The following GALNT13 variants were observed in gnomAD, a reference collection of about 807,000 sequenced individuals.
GALNT13 encodes UDP-GalNAc:polypeptide N-acetylgalactosaminyltransferase 13.
In GALNT13, 28 loss-of-function variants were observed where a neutral mutation model predicts 64.2. The observed-to-expected ratio is 0.44, with a 90% confidence interval of 0.32 to 0.60. The LOEUF is 0.60. GALNT13 is among the 20% of genes least tolerant of loss of function. The pLI is 0.05. For missense variants in GALNT13, 577 were observed against 669.8 expected (o/e 0.86, Z 1.53); for synonymous variants, 214 against 224.6 (o/e 0.95, Z 0.42).
At chr2:153,496,835 GA>G in the GALNT13 span, among the ~76,000 whole-genome samples, 8 of 149,676 alleles carry the variant, frequency 5.3e-5, no homozygotes, top group Non-Finnish European at 1.2e-4. Context: ...AAAATACAAA[GA>G]AAAAAAAATT....
the GALNT13 span, among the ~76,000 whole-genome samples, chr2:153,430,503 A>G: frequency 6.8e-6 from 1 of 147,488 alleles, no homozygotes; most frequent in South Asian, 2.2e-4. Flanking sequence ...TGCAAATGAT[A>G]GGTATTAATA....
chr2:153,676,070 C>A, the GALNT13 span, among the ~76,000 whole-genome samples: 31,433 of 151,644 alleles, frequency 0.21, 4,041 homozygotes, highest in Middle Eastern at 0.44. Context: ...TCAATGAAAT[C>A]AAAAATTAGT....
chr2:153,841,177 T>C, the GALNT13 span, among the ~76,000 whole-genome samples: 17 of 152,262 alleles, frequency 1.1e-4, no homozygotes, highest in Admixed American at 1.1e-3. Context: ...AAAAGAACTT[T>C]AGATATTTAA....
chr2:154,023,307 T>A (rs1697675386), intron 3 of GALNT13, among the ~76,000 whole-genome samples: 1 of 152,152 alleles, frequency 6.6e-6, no homozygotes, highest in Admixed American at 6.5e-5. Context: ...AAGTCTCCGA[T>A]TATTATTGTG....
chr2:154,217,304 T>G (rs1283363283), intron 4 of GALNT13, among the ~76,000 whole-genome samples: 1 of 152,122 alleles, frequency 6.6e-6, no homozygotes, highest in East Asian at 1.9e-4. Context: ...ATTTAACTTC[T>G]TATTTTGAAA....
At chr2:153,072,150 T>C in the GALNT13 span, among the ~76,000 whole-genome samples, 1 of 152,304 alleles carries the variant, frequency 6.6e-6, no homozygotes, top group East Asian at 1.9e-4. Context: ...AACAAAATAA[T>C]AAATAAGATA....
chr2:153,662,027 C>A, the GALNT13 span, among the ~76,000 whole-genome samples: 1 of 152,276 alleles, frequency 6.6e-6, no homozygotes, highest in South Asian at 2.1e-4. Context: ...TCGTGCACTG[C>A]ACAGATCTTC....
intron 4 of GALNT13, among the ~76,000 whole-genome samples, chr2:154,207,339 C>G (rs1392963647): frequency 6.6e-6 from 1 of 152,118 alleles, no homozygotes; most frequent in African/African-American, 2.4e-5. Flanking sequence ...TGTTGCTCTC[C>G]TATTAATAAT....
At chr2:153,780,921 A>G in the GALNT13 span, among the ~76,000 whole-genome samples, 1 of 152,304 alleles carries the variant, frequency 6.6e-6, no homozygotes, top group South Asian at 2.1e-4. Flanking sequence ...GGTAAGATGG[A>G]TAATTAAACA....
At chr2:153,543,989 C>T in the GALNT13 span, among the ~76,000 whole-genome samples, 1 of 152,176 alleles carries the variant, frequency 6.6e-6, no homozygotes, top group Admixed American at 6.5e-5. Context: ...CCTACCATCC[C>T]TTCAGATTCC....
intron 4 of GALNT13, among the ~76,000 whole-genome samples, chr2:154,199,671 TA>T (rs150163821): frequency 4.6e-5 from 7 of 151,972 alleles, no homozygotes; most frequent in Non-Finnish European, 7.4e-5. Context: ...TATCTATTAG[TA>T]AAAAAACAGT....
the GALNT13 span, among the ~76,000 whole-genome samples, chr2:153,302,396 GGGT>G: frequency 6.6e-6 from 1 of 151,840 alleles, no homozygotes; most frequent in Non-Finnish European, 1.5e-5. Flanking sequence ...TTTTAAATCA[GGGT>G]TTTGTTTTTG....
chr2:154,292,979 A>G (rs538558370), intron 8 of GALNT13, among the ~76,000 whole-genome samples: 82 of 152,318 alleles, frequency 5.4e-4, no homozygotes, highest in African/African-American at 1.9e-3. Context: ...CAAATGAGCA[A>G]TGGGCATTTT....
intron 3 of GALNT13, among the ~76,000 whole-genome samples, chr2:154,091,436 T>C (rs936916453): frequency 2.6e-5 from 4 of 151,956 alleles, no homozygotes; most frequent in African/African-American, 9.7e-5. Flanking sequence ...CTCAAAATAA[T>C]TTTTACAAGC....
chr2:153,372,382 T>C, the GALNT13 span, among the ~76,000 whole-genome samples: 2 of 152,138 alleles, frequency 1.3e-5, no homozygotes, highest in Non-Finnish European at 2.9e-5. Context: ...GTGTGGTGGC[T>C]CACGCCTATA....
chr2:153,454,129 G>A, the GALNT13 span, among the ~76,000 whole-genome samples: 1 of 152,162 alleles, frequency 6.6e-6, no homozygotes, highest in African/African-American at 2.4e-5. Context: ...AGTAGGGAAG[G>A]ATGGAGAAGG....
intron 3 of GALNT13, among the ~76,000 whole-genome samples, chr2:153,953,141 A>AAT (rs1692316673): frequency 6.6e-6 from 1 of 152,082 alleles, no homozygotes; most frequent in Non-Finnish European, 1.5e-5. Flanking sequence ...TCAAGTTGAC[A>AAT]CTCAATATTA....
At chr2:153,672,414 A>G in the GALNT13 span, among the ~76,000 whole-genome samples, 5 of 152,222 alleles carry the variant, frequency 3.3e-5, no homozygotes, top group Admixed American at 3.3e-4. Flanking sequence ...AAAACTATAC[A>G]ACTACATGGA....
At chr2:153,511,252 G>T in the GALNT13 span, among the ~76,000 whole-genome samples, 1 of 151,928 alleles carries the variant, frequency 6.6e-6, no homozygotes, top group Non-Finnish European at 1.5e-5. Flanking sequence ...TAGATGTCCT[G>T]GAATGTGGTG....
Sources: allele counts gnomAD v4.1 joint callset (sites outside exome capture counted in the v4.1 genomes callset), GRCh38; gene constraint gnomAD v4.1.1; transcripts MANE v1.5; gene names NCBI Gene and HGNC (gene_info 2026-07-23, HGNC 2026-07-21).